GPHN: variants seen among roughly 807,000 people sequenced by gnomAD.
GPHN encodes gephyrin.
Under a neutral mutation model 95.5 loss-of-function variants are expected in GPHN, and 17 were observed. The ratio of observed to expected loss-of-function variants is 0.18; its 90% CI spans 0.12 to 0.27. The LOEUF (loss-of-function observed/expected upper bound fraction) is 0.27, where lower values mean the gene tolerates loss of function less well. Ranked by LOEUF, GPHN falls within the 10% of genes least tolerant of loss-of-function variation. The pLI is 1.00. For synonymous variants in GPHN, 320 were observed against 322.5 expected (o/e 0.99, Z 0.08); for missense variants, 660 against 978.1 (o/e 0.67, Z 4.34).
the GPHN span, among the ~76,000 whole-genome samples, chr14:67,440,510 C>T: frequency 2.6e-5 from 4 of 152,092 alleles, no homozygotes; most frequent in African/African-American, 4.8e-5. Context: ...CCTGTAATCC[C>T]GGCACCCGAG....
chr14:67,200,952 T>G, the GPHN span, among the ~76,000 whole-genome samples: 6 of 152,202 alleles, frequency 3.9e-5, no homozygotes, highest in African/African-American at 1.4e-4. Context: ...TAGCATGTCT[T>G]TGGCAGCAAG....
chr14:67,705,005 T>G, the GPHN span, among the ~76,000 whole-genome samples: 1 of 152,234 alleles, frequency 6.6e-6, no homozygotes, highest in African/African-American at 2.4e-5. Context: ...GAGGTCACTC[T>G]GAAATCCTGT....
the GPHN span, chr14:67,588,779 G>GTA: frequency 6.6e-5 from 10 of 152,578 alleles, no homozygotes; most frequent in African/African-American, 2.4e-4. Context: ...AACAATGTGT[G>GTA]TATCTTTTGC....
the GPHN span, chr14:67,381,508 A>G: frequency 9.7e-7 from 1 of 1,029,372 alleles, no homozygotes. Flanking sequence ...TTGAATACTA[A>G]TATATCTGCC....
chr14:66,972,747 A>G (rs943746809), intron 9 of GPHN, among the ~76,000 whole-genome samples: 2 of 152,068 alleles, frequency 1.3e-5, no homozygotes, highest in African/African-American at 4.8e-5. Flanking sequence ...TGTAAATGTA[A>G]ATATTACATT....
chr14:67,353,349 C>A, the GPHN span, among the ~76,000 whole-genome samples: 1 of 152,110 alleles, frequency 6.6e-6, no homozygotes, highest in Non-Finnish European at 1.5e-5. Context: ...TTCCTTATTG[C>A]AGGAGTGGGT....
chr14:66,946,245 A>C (rs1236552891), intron 8 of GPHN, among the ~76,000 whole-genome samples: 1 of 152,170 alleles, frequency 6.6e-6, no homozygotes, highest in East Asian at 1.9e-4. Flanking sequence ...AAATACCCAA[A>C]TACGTAATAA....
the GPHN span, among the ~76,000 whole-genome samples, chr14:67,449,173 A>C: frequency 6.6e-6 from 1 of 152,188 alleles, no homozygotes; most frequent in African/African-American, 2.4e-5. Flanking sequence ...TGCTTGTTCT[A>C]TCTGCACATT....
intron 4 of GPHN, among the ~76,000 whole-genome samples, chr14:66,854,911 G>A (rs148148859): frequency 0.012 from 1,830 of 150,006 alleles, 21 homozygotes; most frequent in Non-Finnish European, 0.018. Flanking sequence ...GCAGTGGCAC[G>A]ATCTCAGCTC....
chr14:66,680,152 A>G (rs2066857084), intron 1 of GPHN, among the ~76,000 whole-genome samples: 1 of 152,232 alleles, frequency 6.6e-6, no homozygotes, highest in East Asian at 1.9e-4. Context: ...CCTAATGACA[A>G]CAACTGTTGT....
chr14:67,708,361 T>C, the GPHN span, among the ~76,000 whole-genome samples: 1 of 152,212 alleles, frequency 6.6e-6, no homozygotes, highest in Admixed American at 6.5e-5. Context: ...GTCCTGAAAG[T>C]TTTTTCCTCT....
the GPHN span, among the ~76,000 whole-genome samples, chr14:67,358,828 T>C: frequency 1.3e-5 from 2 of 152,210 alleles, no homozygotes; most frequent in African/African-American, 4.8e-5. Context: ...GATATGCCAT[T>C]TTCCTGACAA....
the GPHN span, among the ~76,000 whole-genome samples, chr14:67,661,529 CTTTTTT>C: frequency 1.8e-5 from 2 of 110,076 alleles, no homozygotes; most frequent in Admixed American, 1.0e-4. Context: ...GAACAGTAAC[CTTTTTT>C]TTTTTTTTTT....
the GPHN span, among the ~76,000 whole-genome samples, chr14:67,458,936 G>A: frequency 2.0e-5 from 3 of 152,166 alleles, no homozygotes; most frequent in Non-Finnish European, 4.4e-5. Flanking sequence ...CGCCCAGGGT[G>A]GAGTGCAATG....
chr14:67,171,788 C>T (rs1014395247), intron 21 of GPHN, among the ~76,000 whole-genome samples: 6 of 152,114 alleles, frequency 3.9e-5, no homozygotes, highest in African/African-American at 1.2e-4. Flanking sequence ...ATGGTCACAT[C>T]GAGAACAGAA....
At chr14:67,170,026 C>T (rs541035143) in intron 21 of GPHN, among the ~76,000 whole-genome samples, 4 of 152,026 alleles carry the variant, frequency 2.6e-5, no homozygotes, top group South Asian at 2.1e-4. Context: ...TGCAGTGAGC[C>T]GAGATTATGC....
At position 66,973,632 on chromosome 14, in the gene GPHN, G is replaced by A. The variant is rs1017164043; in HGVS notation, c.963+8307G>A. ...AATTTAGCTGGGCGTGGTGGTGGGC[G>A]CCTGTAATCCCAGCTACTCGGGAGG... On this transcript the variant is annotated intron_variant, in intron 9 of 22. Coordinates refer to ENST00000478722, the MANE Select transcript of GPHN (RefSeq NM_020806.5). Among the ~76,000 whole-genome samples, 11 of 152,066 alleles carry A rather than the reference G, an allele frequency of 7.2e-5. No homozygotes were observed. In the South Asian group the frequency reaches 8.3e-4, roughly 11 times the overall value.
chr14:66,659,051 T>A (rs2065475786), intron 1 of GPHN, among the ~76,000 whole-genome samples: 1 of 151,926 alleles, frequency 6.6e-6, no homozygotes, highest in Non-Finnish European at 1.5e-5. Context: ...AGACTTTTAC[T>A]GTTTTCAAAA....
intron 11 of GPHN, among the ~76,000 whole-genome samples, chr14:67,063,615 A>T (rs1251662746): frequency 6.6e-6 from 1 of 152,046 alleles, no homozygotes; most frequent in Non-Finnish European, 1.5e-5. Context: ...ATTGAGCAGT[A>T]ATTTGTAGTT....
Sources: gnomAD v4.1 joint callset for allele counts (sites outside exome capture counted in the v4.1 genomes callset) on GRCh38, gnomAD v4.1.1 for gene constraint, MANE v1.5 for transcripts, NCBI Gene and HGNC (gene_info 2026-07-23, HGNC 2026-07-21) for gene names.